Variants in ACAD10 observed in about 807,000 individuals in gnomAD.
ACAD10 encodes the protein ACAD-10.
A neutral mutation model predicts 116.8 loss-of-function variants in ACAD10; 112 were observed. The ratio of observed to expected loss-of-function variants is 0.96; its 90% CI spans 0.82 to 1.12. ACAD10 has a LOEUF of 1.12. Among genes scored for constraint, ACAD10 ranks in the 50% most tolerant of loss-of-function variants. ACAD10 has a pLI of 0.00. For missense variants in ACAD10, 1,259 were observed against 1,350.2 expected, an observed-to-expected ratio of 0.93 and a Z score of 1.06; for synonymous variants, 486 against 510.6, an observed-to-expected ratio of 0.95 and a Z score of 0.65.
chr12:111,720,277 G>A (rs935284164), intron 7 of ACAD10, among the ~76,000 whole-genome samples: 3 of 152,200 alleles, frequency 2.0e-5, no homozygotes, highest in Non-Finnish European at 2.9e-5. Context: ...CAATATCTGA[G>A]TGAGTGGTAT....
chr12:111,721,830 A>C lies in ACAD10; in HGVS notation c.1061+91A>C, dbSNP rs750999503. The C allele has an allele frequency of 3.4e-5, 40 of 1,160,390 alleles. No individual in the cohort carries two copies. In the South Asian group the frequency reaches 6.7e-4, roughly 19 times the overall value. 71.9% of individuals were successfully genotyped at this position (1,160,390 alleles called of 1,614,324 possible). A position where few individuals can be genotyped will look rare whatever the true frequency, so the allele number is the denominator to read the frequency against. The stretch of plus-strand genomic sequence containing the variant: ...ACAAATTCCAATTTGTTAAAGACAA[A>C]TAAAATTTGGGTAGGAGGGAAAAGA... On this transcript the variant is annotated intron_variant, in intron 8 of 20. Transcript: ENST00000313698.
At chr12:111,748,641 A>G (rs781022531) in intron 17 of ACAD10, 166 bp downstream of exon 17, 63 of 760,658 alleles carry the variant, frequency 8.3e-5, no homozygotes, top group Middle Eastern at 7.7e-4. Flanking sequence ...ATGAATATCA[A>G]CCATGCAGGC....
Position 111,745,024 on chromosome 12 carries a change from C to A in ACAD10, c.2096C>A (p.Pro699Gln). 6.2e-7 allele frequency: 1 copy of A among 1,613,474 alleles called. No individual in the cohort carries two copies. Among genetic ancestry groups the A allele is most frequent in the South Asian group, 1.1e-5 (1 of 91,082 alleles). Residue 699 changes from proline to glutamine, a missense_variant, in exon 13 of 21, where the codon CCA (proline) becomes CAA (glutamine). Pro to Gln is a moderately conservative substitution (Grantham distance 76, BLOSUM62 -1). Transcript: ENST00000313698. ...QASAARWSPS[P>Q]LIEDLKEKAK... ...TCAGCAGCCAGGTGGAGCCCCTCCC[C>A]ACTGATCGAAGACCTCAAGGTAAAG...
chr12:111,745,173 A>G lies in ACAD10; in HGVS notation c.2115+130A>G, dbSNP rs1332560999. ...TCCGAGTTGAATGATCTTTGCTTCC[A>G]TCGTCTCAGAAAGAGCCAGCTCTTC... On this transcript the variant is annotated intron_variant, in intron 13 of 20. Coordinates refer to ENST00000313698, the MANE Select transcript of ACAD10 (RefSeq NM_025247.6). 10 of 1,069,390 alleles carry G rather than the reference A, an allele frequency of 9.4e-6. No homozygotes were observed. In the African/African-American group the frequency reaches 1.1e-4, roughly 12 times the overall value. The allele number at this position is 1,069,390 out of a possible 1,614,324, so 66.2% of individuals were successfully genotyped here.
intron 6 of ACAD10, 88 bp downstream of exon 6, chr12:111,712,745 C>T (rs1888723567): frequency 1.4e-6 from 2 of 1,419,216 alleles, no homozygotes; most frequent in Non-Finnish European, 1.9e-6. Context: ...ATGGAATGGG[C>T]TGGAGACAAA....
chr12:111,751,200 T>C (rs533245789), intron 18 of ACAD10, among the ~76,000 whole-genome samples: 10 of 152,310 alleles, frequency 6.6e-5, no homozygotes, highest in Admixed American at 2.0e-4. Flanking sequence ...CCTATAAGGC[T>C]AACAATGACT....
chr12:111,747,782 T>TA (rs1226226399), intron 16 of ACAD10: 2 of 1,031,092 alleles, frequency 1.9e-6, no homozygotes, highest in African/African-American at 1.7e-5. Context: ...TGTCCAGTGT[T>TA]ACTTTTGCAG....
intron 9 of ACAD10, among the ~76,000 whole-genome samples, chr12:111,729,279 C>T (rs1889318629): frequency 6.6e-6 from 1 of 152,078 alleles, no homozygotes; most frequent in Admixed American, 6.6e-5. Flanking sequence ...CTCTTGTCAC[C>T]CAGGCTGGAG....
Position 111,721,697 on chromosome 12 carries a change from G to A in ACAD10, c.1019G>A (p.Gly340Glu). 2.5e-6 allele frequency: 4 copies of A among 1,604,934 alleles called. No homozygotes were observed. The highest frequency in any genetic ancestry group is 3.4e-6 in the Non-Finnish European group (4 of 1,172,910). ...ATTATGAAAGCCCTTGCAAATGCTG[G>A]AGTACCTGTCCCTAACGTTCTTGAT... ...FRIMKALANAGVPVPNVLDLC... is the reference protein window; with the variant it reads ...FRIMKALANAEVPVPNVLDLC... The change falls in exon 8 of 21, where the codon GGA (glycine) becomes GAA (glutamate). Residue 340 changes from glycine to glutamate, a missense_variant. Physicochemically the swap from Gly to Glu is moderately conservative, Grantham distance 98 (BLOSUM62 -2). Coordinates refer to ENST00000313698, the MANE Select transcript of ACAD10 (RefSeq NM_025247.6).
At position 111,753,897 on chromosome 12, in the gene ACAD10, G is replaced by T. The variant is rs768367514; in HGVS notation, c.2943G>T (p.Met981Ile). The change falls in exon 19 of 21, where the codon ATG (methionine) becomes ATT (isoleucine). Residue 981 changes from methionine to isoleucine, a missense_variant. Met to Ile is a conservative substitution (Grantham distance 10). Transcript: ENST00000313698. The stretch of plus-strand genomic sequence containing the variant: ...TGGTGCTGAGAGCTGCCCACCTCAT[G>T]GACCTGGCAGGAAACAAGGTAGGGG... ...RLLVLRAAHL[M>I]DLAGNKAAAL... 5 of 1,607,066 alleles carry T rather than the reference G, an allele frequency of 3.1e-6. No individual in the cohort carries two copies. Among genetic ancestry groups the T allele is most frequent in the Non-Finnish European group, 4.3e-6 (5 of 1,175,320 alleles).
At chr12:111,742,637 ATTGT>A (rs1257612075) in intron 12 of ACAD10, among the ~76,000 whole-genome samples, 2 of 152,058 alleles carry the variant, frequency 1.3e-5, no homozygotes, top group African/African-American at 4.8e-5. Flanking sequence ...AGACAGGAGG[ATTGT>A]TTGAGGCCAG....
chr12:111,716,082 T>G (rs962529157), intron 7 of ACAD10, 120 bp downstream of exon 7: 2 of 1,402,804 alleles, frequency 1.4e-6, no homozygotes, highest in East Asian at 4.6e-5. Flanking sequence ...ACTACAATTA[T>G]GGGCCAGGCT....
rs761968666 is a variant in ACAD10, at chr12:111,755,836, C to T, written c.3039+91C>T. On this transcript the variant is annotated intron_variant, in intron 20 of 20. Coordinates refer to ENST00000313698, the MANE Select transcript of ACAD10 (RefSeq NM_025247.6). ...TCAGCCGCCCAGCCTCCCATAGACC[C>T]TGGCAGATGCCCTGTGTCACCCACT... 4.0e-6 allele frequency: 5 copies of T among 1,263,844 alleles called. No homozygotes were observed. In the South Asian group the frequency reaches 6.0e-5, roughly 15 times the overall value. The allele number at this position is 1,263,844 out of a possible 1,614,324, so 78.3% of individuals were successfully genotyped here. A position where few individuals can be genotyped will look rare whatever the true frequency, so the allele number is the denominator to read the frequency against.
chr12:111,750,165 C>T (rs1248787157), intron 18 of ACAD10, among the ~76,000 whole-genome samples: 1 of 149,312 alleles, frequency 6.7e-6, no homozygotes, highest in African/African-American at 2.5e-5. Context: ...GATCTTGGCT[C>T]ACTGCAACCT....
chr12:111,753,847 G>C lies in ACAD10; in HGVS notation c.2893G>C (p.Val965Leu), dbSNP rs751601129. ...GCTGGCGGACATCGCGCAGTCGCGC[G>C]TGGAGATTGAGCAGGCACGGCTGCT... ...TVLADIAQSR[V>L]EIEQARLLVL... Residue 965 changes from valine (V) to leucine (L), a missense_variant, in exon 19 of 21, where the codon GTG (valine) becomes CTG (leucine). Physicochemically the swap from Val to Leu is conservative, Grantham distance 32. Transcript: ENST00000313698. 1.9e-6 allele frequency: 3 copies of C among 1,613,854 alleles called. No homozygotes were observed. The highest frequency in any genetic ancestry group is 1.7e-6 in the Non-Finnish European group (2 of 1,180,022).
At position 111,729,867 on chromosome 12, in the gene ACAD10, C is replaced by T; in HGVS notation, c.1305C>T (p.Ser435=). The change falls in exon 10 of 21, where the codon AGC becomes AGT. Residue 435 remains serine (S), a synonymous_variant. Coordinates refer to ENST00000313698, the MANE Select transcript of ACAD10 (RefSeq NM_025247.6). ...AGCAGTATCGAGCTTCCGAAACTAGCACCATCCCAGCCATGGAGAGGCTGA... is the reference window on the plus strand; with the variant it reads ...AGCAGTATCGAGCTTCCGAAACTAGTACCATCCCAGCCATGGAGAGGCTGA... ...WVKQYRASET[S]TIPAMERLIE... 6.2e-7 allele frequency: 1 copy of T among 1,614,164 alleles called. No homozygotes were observed. The highest frequency in any genetic ancestry group is 2.2e-5 in the East Asian group (1 of 44,878).
Position 111,749,173 on chromosome 12 carries a change from G to T in ACAD10, c.2645G>T (p.Gly882Val). The change falls in exon 18 of 21, where the codon GGT becomes GTT. Residue 882 changes from glycine (G) to valine (V), a missense_variant and splice_region_variant. Gly to Val is a moderately radical substitution (Grantham distance 109). Transcript: ENST00000313698. ...CACAGTGATCGTTTGGGTCTTTCAG[G>T]TGGCCATGGTGAAGTCCGATTTGAG... ...LTVYGLEDAP[G>V]GHGEVRFEHV... 2 of 1,612,614 alleles carry T rather than the reference G, an allele frequency of 1.2e-6. No homozygotes were observed. The highest frequency in any genetic ancestry group is 1.7e-6 in the Non-Finnish European group (2 of 1,178,758).
intron 18 of ACAD10, 36 bp from the exon 19 acceptor site, chr12:111,753,736 A>C (rs751255353): frequency 6.2e-7 from 1 of 1,613,444 alleles, no homozygotes; most frequent in South Asian, 1.1e-5. Context: ...CCCCCAGCCC[A>C]GCATGTCCTC....
chr12:111,713,662 C>T (rs570745395), intron 6 of ACAD10, among the ~76,000 whole-genome samples: 9 of 151,068 alleles, frequency 6.0e-5, no homozygotes, highest in Admixed American at 2.0e-4. Flanking sequence ...AAGGGCTGGG[C>T]GCAGTGGCTC....
Sources: gnomAD v4.1 joint callset for allele counts (sites outside exome capture counted in the v4.1 genomes callset) on GRCh38, gnomAD v4.1.1 for gene constraint, MANE v1.5 for transcripts, NCBI Gene and HGNC (gene_info 2026-07-23, HGNC 2026-07-21) for gene names.